The following CNTN4 variants were observed in gnomAD, a reference collection of about 807,000 sequenced individuals.
CNTN4 encodes contactin 4.
A neutral mutation model predicts 122.5 loss-of-function variants in CNTN4; 77 were observed. The observed-to-expected ratio is 0.63, with a 90% CI of 0.52 to 0.76. The LOEUF (loss-of-function observed/expected upper bound fraction) is 0.76. CNTN4 is among the 30% of genes least tolerant of loss of function. The pLI, the probability that CNTN4 is intolerant of heterozygous loss-of-function variation, is 0.00. For missense variants in CNTN4, 1,256 were observed against 1,259.1 expected (o/e 1.00, Z 0.04); for synonymous variants, 512 against 447.0 (o/e 1.15, Z -1.83).
Position 2,591,606 on chromosome 3 carries a change from C to T in CNTN4, c.55+20048C>T, listed in dbSNP as rs1229823160. The stretch of plus-strand genomic sequence containing the variant: ...GTCTCGATCTCCTGACCTCGTGATC[C>T]GCCCGCCTCGGCCTCCCAAAGTGCT... On this transcript the variant is annotated intron_variant, in intron 4 of 24. Transcript: ENST00000418658. 6.0e-4 allele frequency among the ~76,000 whole-genome samples: 31 copies of T among 51,602 alleles called. 4 individuals carry two copies. Among genetic ancestry groups the T allele is most frequent in the African/African-American group, 1.2e-3 (18 of 15,366 alleles). The allele number at this position is 51,602 out of a possible 152,430, so 33.9% of individuals were successfully genotyped here.
chr3:2,589,112 G>A (rs1388333776), intron 4 of CNTN4, among the ~76,000 whole-genome samples: 1 of 152,086 alleles, frequency 6.6e-6, no homozygotes, highest in African/African-American at 2.4e-5. Context: ...TGACATAAAG[G>A]GGCCAGATTA....
At chr3:2,603,275 G>C (rs375215987) in intron 4 of CNTN4, among the ~76,000 whole-genome samples, 1 of 151,988 alleles carries the variant, frequency 6.6e-6, no homozygotes, top group African/African-American at 2.4e-5. Flanking sequence ...GAAATGCAGC[G>C]TATTTCTTGA....
At chr3:2,234,680 A>G (rs749114163) in intron 2 of CNTN4, among the ~76,000 whole-genome samples, 1 of 151,282 alleles carries the variant, frequency 6.6e-6, no homozygotes, top group Non-Finnish European at 1.5e-5. Flanking sequence ...CTTTGTCATA[A>G]AGAAATTTTA....
chr3:2,850,144 C>G (rs2093524911), intron 7 of CNTN4, among the ~76,000 whole-genome samples: 1 of 152,096 alleles, frequency 6.6e-6, no homozygotes, highest in Non-Finnish European at 1.5e-5. Flanking sequence ...CACGCCCCAC[C>G]ACACCCAGCT....
chr3:2,595,449 C>G (rs899409213), intron 4 of CNTN4, among the ~76,000 whole-genome samples: 1 of 152,116 alleles, frequency 6.6e-6, no homozygotes, highest in Non-Finnish European at 1.5e-5. Flanking sequence ...GCCAGGGGTC[C>G]TATAATCTTC....
intron 6 of CNTN4, among the ~76,000 whole-genome samples, chr3:2,806,180 C>T (rs903753827): frequency 1.3e-5 from 2 of 152,328 alleles, no homozygotes; most frequent in African/African-American, 4.8e-5. Flanking sequence ...GGATTACAGG[C>T]GTGAGCCACC....
At position 2,902,877 on chromosome 3, in the gene CNTN4, A is replaced by G. The variant is rs773769673; in HGVS notation, c.1079A>G (p.Asp360Gly). Residue 360 changes from aspartate to glycine, a missense_variant and splice_region_variant, in exon 12 of 25, where the codon GAT (aspartate) becomes GGT (glycine). Transcript: ENST00000418658. ...TTATGTTCCTCTTTTCTTTCACAGG[A>G]TAGAATTCAAATTGAGCAAGGAACA... ...LKNGEPLLTR[D>G]RIQIEQGTLN... 6 of 1,613,020 alleles carry G rather than the reference A, an allele frequency of 3.7e-6. No homozygotes were observed. The highest frequency in any genetic ancestry group is 2.2e-5 in the South Asian group (2 of 90,966).
At chr3:2,619,439 A>T (rs2081910978) in intron 4 of CNTN4, among the ~76,000 whole-genome samples, 1 of 152,224 alleles carries the variant, frequency 6.6e-6, no homozygotes, top group Non-Finnish European at 1.5e-5. Context: ...TGGATTCAAA[A>T]CATTCCATTA....
intron 12 of CNTN4, among the ~76,000 whole-genome samples, chr3:2,923,307 G>T (rs2094445394): frequency 6.8e-6 from 1 of 147,526 alleles, no homozygotes; most frequent in Non-Finnish European, 1.5e-5. Flanking sequence ...AAAACTTCAA[G>T]AATACCTGAC....
At chr3:2,655,578 G>C (rs147678175) in intron 4 of CNTN4, among the ~76,000 whole-genome samples, 24 of 152,170 alleles carry the variant, frequency 1.6e-4, no homozygotes, top group South Asian at 4.2e-4. Flanking sequence ...CAGTTGGCAG[G>C]GACTGGCCAT....
At chr3:2,678,347 G>T (rs1320993222) in intron 4 of CNTN4, among the ~76,000 whole-genome samples, 1 of 151,962 alleles carries the variant, frequency 6.6e-6, no homozygotes, top group Non-Finnish European at 1.5e-5. Context: ...TATTTATCCT[G>T]TCCTTAATAA....
At chr3:2,277,174 A>G (rs1487980791) in intron 2 of CNTN4, among the ~76,000 whole-genome samples, 1 of 152,142 alleles carries the variant, frequency 6.6e-6, no homozygotes, top group Non-Finnish European at 1.5e-5. Context: ...GAGTTCATAA[A>G]ATCTTAGCAT....
Position 3,040,098 on chromosome 3 carries a change from A to G in CNTN4, c.2225A>G (p.Tyr742Cys). 1 of 1,614,208 alleles carries G rather than the reference A, an allele frequency of 6.2e-7. No homozygotes were observed. The highest frequency in any genetic ancestry group is 8.5e-7 in the Non-Finnish European group (1 of 1,180,016). ...GFGYVVAFRPYGKMIWMLTVL... is the reference protein window; with the variant it reads ...GFGYVVAFRPCGKMIWMLTVL... Reference sequence around the variant, plus strand: ...GGTTATGTGGTGGCCTTCCGGCCCTACGGTAAAATGATCTGGATGCTGACA... The same window carrying G: ...GGTTATGTGGTGGCCTTCCGGCCCTGCGGTAAAATGATCTGGATGCTGACA... Residue 742 changes from tyrosine (Y) to cysteine (C), a missense_variant, in exon 20 of 25, where the codon TAC becomes TGC. By Grantham distance (194) the Tyr-to-Cys change is radical. Transcript: ENST00000418658.
At chr3:2,318,376 C>T (rs1023326576) in intron 2 of CNTN4, among the ~76,000 whole-genome samples, 1 of 152,056 alleles carries the variant, frequency 6.6e-6, no homozygotes, top group East Asian at 1.9e-4. Flanking sequence ...AAGAGGTTGG[C>T]CCTGTCTCCA....
rs1699110533 is a variant in CNTN4 at position 3,030,960 on chromosome 3, G to T, written c.1768G>T (p.Asp590Tyr). The T allele has an allele frequency of 3.1e-6, 5 of 1,614,050 alleles. No homozygotes were observed. The highest frequency in any genetic ancestry group is 4.2e-6 in the Non-Finnish European group (5 of 1,179,936). Residue 590 changes from aspartate (D) to tyrosine (Y), a missense_variant, in exon 16 of 25, where the codon GAC becomes TAC. Coordinates refer to ENST00000418658, the MANE Select transcript of CNTN4 (RefSeq NM_175607.3). ...TSVDRLSAAA[D>Y]LIVRGPPGPP... The stretch of plus-strand genomic sequence containing the variant: ...TGTGGACAGGCTATCTGCTGCTGCA[G>T]ACCTGATTGTAAGAGGTACTGGATT...
chr3:2,362,707 T>A (rs2045208478), intron 3 of CNTN4: 1 of 339,998 alleles, frequency 2.9e-6, no homozygotes, highest in Non-Finnish European at 5.7e-6. Flanking sequence ...CACATTCACT[T>A]ACTTGGGAGC....
chr3:2,996,954 A>G (rs1383020386), intron 14 of CNTN4, among the ~76,000 whole-genome samples: 2 of 152,194 alleles, frequency 1.3e-5, no homozygotes, highest in East Asian at 3.8e-4. Flanking sequence ...ATAAATAAAA[A>G]TCTATCTTTT....
At chr3:2,299,059 C>T (rs1178487) in intron 2 of CNTN4, among the ~76,000 whole-genome samples, 77,735 of 151,974 alleles carry the variant, frequency 0.51, 20,745 homozygotes, top group African/African-American at 0.66. Flanking sequence ...GTTTCAGTGG[C>T]TGAGATTAAA....
At chr3:2,288,674 A>G (rs1394368352) in intron 2 of CNTN4, among the ~76,000 whole-genome samples, 9 of 152,204 alleles carry the variant, frequency 5.9e-5, no homozygotes, top group African/African-American at 1.7e-4. Context: ...AGATAAAGCC[A>G]TACTAAGTAT....
Sources: allele counts gnomAD v4.1 joint callset (sites outside exome capture counted in the v4.1 genomes callset), GRCh38; gene constraint gnomAD v4.1.1; transcripts MANE v1.5; gene names NCBI Gene and HGNC (gene_info 2026-07-23, HGNC 2026-07-21).